Variants in KAZN observed in about 807,000 individuals in gnomAD.
The protein encoded by KAZN is kazrin, periplakin interacting protein, also known as kazrin.
Under a neutral mutation model 87.4 loss-of-function variants are expected in KAZN, and 40 were observed. That is an observed-to-expected ratio of 0.46 (90% confidence interval 0.36 to 0.60). KAZN has a LOEUF of 0.60. Ranked by LOEUF, KAZN falls within the 20% of genes least tolerant of loss-of-function variation. The probability of loss-of-function intolerance (pLI) is 0.00; values close to 1 mark genes in which losing one functional copy is unlikely to be tolerated. For synonymous variants in KAZN, 466 were observed against 458.3 expected (o/e 1.02, Z -0.22); for missense variants, 898 against 1,073.9 (o/e 0.84, Z 2.29).
chr1:14,616,713 T>A (rs1678270737), intron 1 of KAZN, among the ~76,000 whole-genome samples: 1 of 152,214 alleles, frequency 6.6e-6, no homozygotes, highest in Non-Finnish European at 1.5e-5. Flanking sequence ...TCCCTAGGGT[T>A]TCTTGGAGCT....
intron 1 of KAZN, among the ~76,000 whole-genome samples, chr1:14,162,050 T>C (rs1645721512): frequency 6.6e-6 from 1 of 152,188 alleles, no homozygotes. Context: ...ACCTCAGGCA[T>C]GGGTCAACAG....
intron 10 of KAZN, among the ~76,000 whole-genome samples, chr1:15,101,308 T>C (rs1213760844): frequency 6.6e-6 from 1 of 151,850 alleles, no homozygotes. Flanking sequence ...TCTCTCTCTG[T>C]CTCCCTCCTC....
intron 1 of KAZN, among the ~76,000 whole-genome samples, chr1:14,125,509 C>T (rs1302908083): frequency 2.0e-5 from 3 of 152,220 alleles, no homozygotes; most frequent in African/African-American, 7.2e-5. Flanking sequence ...GACAGAGATA[C>T]AGAAGAGAAG....
intron 1 of KAZN, among the ~76,000 whole-genome samples, chr1:14,052,550 A>C (rs1330851237): frequency 3.3e-5 from 5 of 151,224 alleles, no homozygotes; most frequent in South Asian, 2.1e-4. Context: ...AAAAAAAAAA[A>C]CAAGAGAAAT....
At chr1:14,126,987 T>G (rs1378689387) in intron 1 of KAZN, among the ~76,000 whole-genome samples, 2 of 152,182 alleles carry the variant, frequency 1.3e-5, no homozygotes. Flanking sequence ...GCGCCTGTGA[T>G]TCCAGCTACT....
chr1:15,085,359 A>C (rs1640201614), intron 8 of KAZN, among the ~76,000 whole-genome samples: 1 of 152,006 alleles, frequency 6.6e-6, no homozygotes, highest in Non-Finnish European at 1.5e-5. Context: ...ATGGAGTTTC[A>C]CTCTGTCACC....
intron 1 of KAZN, among the ~76,000 whole-genome samples, chr1:14,776,911 G>T (rs1407007298): frequency 7.4e-6 from 1 of 135,576 alleles, no homozygotes; most frequent in Non-Finnish European, 1.5e-5. Context: ...TCTAGCCTGA[G>T]CAACTGAGCA....
At chr1:15,013,629 G>T (rs1365656831) in intron 2 of KAZN, among the ~76,000 whole-genome samples, 2 of 151,728 alleles carry the variant, frequency 1.3e-5, no homozygotes, top group African/African-American at 4.9e-5. Flanking sequence ...GGTGGTGGGC[G>T]CCTGTAGTTC....
chr1:14,267,665 A>C (rs963650808), intron 2 of KAZN, among the ~76,000 whole-genome samples: 1 of 152,194 alleles, frequency 6.6e-6, no homozygotes, highest in African/African-American at 2.4e-5. Context: ...AGAACGAATG[A>C]ATCTATACCC....
chr1:14,124,868 T>C (rs1401383481), intron 1 of KAZN, among the ~76,000 whole-genome samples: 2 of 152,200 alleles, frequency 1.3e-5, no homozygotes, highest in Non-Finnish European at 2.9e-5. Flanking sequence ...CACAAGAGCT[T>C]GTGGTCAGTC....
At chr1:14,019,524 C>T (rs1473059827) in intron 1 of KAZN, among the ~76,000 whole-genome samples, 1 of 152,178 alleles carries the variant, frequency 6.6e-6, no homozygotes, top group Non-Finnish European at 1.5e-5. Flanking sequence ...TCCAGGTCCC[C>T]TTTCCTCCAC....
chr1:14,390,386 A>C (rs146894498), intron 2 of KAZN, among the ~76,000 whole-genome samples: 82 of 152,350 alleles, frequency 5.4e-4, no homozygotes, highest in African/African-American at 1.8e-3. Context: ...GGGCGAAATC[A>C]TGAGAGGTGG....
At chr1:14,950,544 C>T (rs541587302) in intron 1 of KAZN, among the ~76,000 whole-genome samples, 7 of 152,250 alleles carry the variant, frequency 4.6e-5, no homozygotes, top group Admixed American at 4.6e-4. Context: ...CATTTTCCAG[C>T]CTACACTGGC....
chr1:14,887,984 T>C (rs957747440), intron 1 of KAZN, among the ~76,000 whole-genome samples: 4 of 151,928 alleles, frequency 2.6e-5, no homozygotes, highest in Admixed American at 6.6e-5. Context: ...TGACAAGGAA[T>C]GAAAATGGCA....
At chr1:13,938,364 A>G (rs910703995) in intron 1 of KAZN, among the ~76,000 whole-genome samples, 1 of 151,542 alleles carries the variant, frequency 6.6e-6, no homozygotes, top group Non-Finnish European at 1.5e-5. Context: ...ATTTTTGTAC[A>G]TTGATTTTTT....
At chr1:14,667,802 T>C (rs1468293593) in intron 1 of KAZN, among the ~76,000 whole-genome samples, 2 of 141,948 alleles carry the variant, frequency 1.4e-5, no homozygotes, top group African/African-American at 5.3e-5. Context: ...TGTAGATGAG[T>C]TCTCAAAAAA....
intron 1 of KAZN, among the ~76,000 whole-genome samples, chr1:14,775,450 C>A (rs1645148277): frequency 6.6e-6 from 1 of 152,206 alleles, no homozygotes; most frequent in Admixed American, 6.5e-5. Flanking sequence ...CCATGACTAC[C>A]CAGCTGGTGA....
intron 2 of KAZN, among the ~76,000 whole-genome samples, chr1:14,981,231 TG>T (rs1171123855): frequency 6.6e-6 from 1 of 152,236 alleles, no homozygotes; most frequent in Non-Finnish European, 1.5e-5. Context: ...GAATGCTTAG[TG>T]GGGTTTCTCG....
chr1:14,837,275 C>T lies in KAZN; in HGVS notation c.227-123409C>T, dbSNP rs556902664. 9.2e-4 allele frequency among the ~76,000 whole-genome samples: 138 copies of T among 150,004 alleles called. 1 individual carries two copies. In the Middle Eastern group the frequency reaches 0.019, roughly 21 times the overall value. ...GTGCAATAGTGCGGTCTTGGCTCAC[C>T]GCAACCTCCGCTTCCCAGGTTCAAG... On this transcript the variant is annotated intron_variant, in intron 1 of 14. Coordinates refer to ENST00000376030, the MANE Select transcript of KAZN (RefSeq NM_201628.3).
Sources: allele counts gnomAD v4.1 joint callset (sites outside exome capture counted in the v4.1 genomes callset), GRCh38; gene constraint gnomAD v4.1.1; transcripts MANE v1.5; gene names NCBI Gene and HGNC (gene_info 2026-07-23, HGNC 2026-07-21).